The following MIB2 variants were observed in gnomAD, a reference collection of about 807,000 sequenced individuals.
MIB2 encodes MIB E3 ubiquitin protein ligase 2.
MIB2 carries 78 observed loss-of-function variants against 96.6 expected under a neutral mutation model. The ratio of observed to expected loss-of-function variants is 0.81; its 90% CI spans 0.67 to 0.97. The LOEUF is 0.97. Ranked by LOEUF, MIB2 falls within the 50% of genes least tolerant of loss-of-function variation. The pLI is 0.00. For missense variants in MIB2, 1,543 were observed against 1,424.0 expected (o/e 1.08, Z -1.35); for synonymous variants, 820 against 629.5 (o/e 1.30, Z -4.53).
intron 3 of MIB2, 34 bp from the exon 4 acceptor site, chr1:1,623,740 C>A: frequency 3.3e-6 from 5 of 1,527,374 alleles, no homozygotes; most frequent in Non-Finnish European, 4.4e-6. Flanking sequence ...GACCCGGGGG[C>A]GGGAACGCCC....
chr1:1,625,957 G>T lies in MIB2; in HGVS notation c.972+304G>T. ...TCGTGGGCGGGAGGGAGGCGGCTGG[G>T]CTAAGATGCTCCTGGTTAGTGCTGT... On this transcript the variant is annotated intron_variant, in intron 8 of 19. Transcript: ENST00000355826. This position sits in a 1 kb window ranked among gnomAD's most constrained non-coding sequence, Gnocchi z 5.0. The T allele has an allele frequency of 2.1e-6, 1 of 476,188 alleles. No homozygotes were observed. The allele number at this position is 476,188 out of a possible 1,614,324, so 29.5% of individuals were successfully genotyped here.
At chr1:1,624,510 C>T (rs924167678) in intron 4 of MIB2, among the ~76,000 whole-genome samples, 5 of 152,210 alleles carry the variant, frequency 3.3e-5, no homozygotes, top group Non-Finnish European at 5.9e-5. Flanking sequence ...GAGGTCTTGC[C>T]GAGGGTGGGC....
chr1:1,629,235 C>T lies in MIB2; in HGVS notation c.2305C>T (p.Arg769Cys), dbSNP rs548057540. ...CGCCGACGTGAGCTACACCAACCAC[C>T]GCGGTCGGAGCCCGCTGGACCTGGC... ...EGADVSYTNH[R>C]GRSPLDLAAE... The change falls in exon 17 of 20, where the codon CGC (arginine) becomes TGC (cysteine). Residue 769 changes from arginine to cysteine, a missense_variant. By Grantham distance (180) the Arg-to-Cys change is radical (BLOSUM62 -3). Transcript: ENST00000355826. 13 of 1,544,590 alleles carry T rather than the reference C, an allele frequency of 8.4e-6. No individual in the cohort carries two copies. The South Asian group carries it at 1.5e-4, about 18-fold the overall frequency.
chr1:1,625,358 G>A lies in MIB2; in HGVS notation c.794G>A (p.Cys265Tyr), dbSNP rs1169959430. Residue 265 changes from cysteine to tyrosine, a missense_variant, in exon 7 of 20, where the codon TGT becomes TAT. Cys to Tyr is a radical substitution (Grantham distance 194, BLOSUM62 -2). Coordinates refer to ENST00000355826, the MANE Select transcript of MIB2 (RefSeq NM_001170687.4). This position sits in a 1 kb window ranked among gnomAD's most constrained non-coding sequence, Gnocchi z 5.0. Reference protein sequence around the residue: ...QPFQHGDKVKCLLDTDVLREM... With the variant: ...QPFQHGDKVKYLLDTDVLREM... ...TTCCAGCACGGGGACAAGGTCAAGT[G>A]TCTGCTGGACACTGATGTCCTGCGG... 6 of 1,585,868 alleles carry A rather than the reference G, an allele frequency of 3.8e-6. No individual in the cohort carries two copies. Among genetic ancestry groups the A allele is most frequent in the Non-Finnish European group, 4.3e-6 (5 of 1,166,932 alleles).
chr1:1,623,329 G>C (rs1569728346), intron 2 of MIB2, 102 bp from the exon 3 acceptor site: 1 of 1,499,246 alleles, frequency 6.7e-7, no homozygotes, highest in African/African-American at 1.4e-5. Flanking sequence ...CTGCTCTCCC[G>C]CGGAGCCCAC....
chr1:1,628,501 G>T lies in MIB2; in HGVS notation c.1981G>T (p.Val661Leu). Residue 661 changes from valine to leucine, a missense_variant, in exon 16 of 20, where the codon GTG becomes TTG. By Grantham distance (32) the Val-to-Leu change is conservative. Transcript: ENST00000355826. ...QILIREGRCD[V>L]NVRNRKLQSP... ...CACCCCTCCCCAGGGCCGCTGTGAC[G>T]TGAACGTGCGCAACCGGAAGCTGCA... is the stretch of plus-strand genomic sequence containing the variant. The T allele has an allele frequency of 8.8e-6, 14 of 1,599,810 alleles. No homozygotes were observed. The highest frequency in any genetic ancestry group is 1.1e-5 in the Non-Finnish European group (13 of 1,177,714).
intron 1 of MIB2, 122 bp downstream of exon 1, chr1:1,615,755 G>A: frequency 2.1e-6 from 3 of 1,451,952 alleles, no homozygotes; most frequent in Non-Finnish European, 2.7e-6. Context: ...CCCCGGGCTG[G>A]ACTCGGCGTA....
At position 1,616,573 on chromosome 1, in the gene MIB2, G is replaced by T. The variant is rs950343177; in HGVS notation, c.-64G>T. 4 of 1,603,786 alleles carry T rather than the reference G, an allele frequency of 2.5e-6. No homozygotes were observed. In the East Asian group the frequency reaches 6.8e-5, roughly 27 times the overall value. On this transcript the variant is annotated 5_prime_UTR_variant, in exon 2 of 20. Coordinates refer to ENST00000355826, the MANE Select transcript of MIB2 (RefSeq NM_001170687.4). ...TCCAGGCATCAGGGCTGCAGCCCAG[G>T]AGCCTCAAGGCGGCCCGGCGGGCGA...
Position 1,629,284 on chromosome 1 carries a change from C to A in MIB2, c.2354C>A (p.Ala785Asp). 6.5e-7 allele frequency: 1 copy of A among 1,527,656 alleles called. No homozygotes were observed. Among genetic ancestry groups the A allele is most frequent in the Non-Finnish European group, 8.7e-7 (1 of 1,151,516 alleles). The allele number at this position is 1,527,656 out of a possible 1,614,324, so 94.6% of individuals were successfully genotyped here. Residue 785 changes from alanine to aspartate, a missense_variant, in exon 17 of 20, where the codon GCC becomes GAC. Transcript: ENST00000355826. ...GCCGCCGAGGGTCGCGTGCTCAAGG[C>A]CCTTCAGGGCTGCGCCCAGCGCTTC... ...DLAAEGRVLK[A>D]LQGCAQRFRE...
In MIB2 at chr1:1,627,647, CCCTCTCCCACTT is replaced by C. The variant is rs763644309; in HGVS notation, c.1524-18_1524-7del. On this transcript the variant is annotated splice_polypyrimidine_tract_variant and intron_variant, in intron 12 of 19. Transcript: ENST00000355826. ...GTCCAGCCACCGGGCCCGGCGCCCTCCCTCTCCCACTTCCTCTCCTGTCAGGAACCAGCCCGA... is the reference window on the plus strand; with the variant it reads ...GTCCAGCCACCGGGCCCGGCGCCCTCCCTCTCCTGTCAGGAACCAGCCCGA... The C allele has an allele frequency of 1.9e-6, 3 of 1,582,804 alleles. No homozygotes were observed. The highest frequency in any genetic ancestry group is 2.3e-5 in the South Asian group (2 of 88,758).
chr1:1,619,737 G>A (rs561032704), intron 2 of MIB2, among the ~76,000 whole-genome samples: 1 of 152,312 alleles, frequency 6.6e-6, no homozygotes, highest in African/African-American at 2.4e-5. Context: ...CCTTGTTGGG[G>A]CAGCCCTCAG....
At chr1:1,616,249 C>A (rs1643653851) in intron 1 of MIB2, 1 of 441,226 alleles carries the variant, frequency 2.3e-6, no homozygotes, top group Non-Finnish European at 3.1e-6. Flanking sequence ...TGCGCCGGCG[C>A]CCGTGCGCGT....
rs775834243 is a variant in MIB2, at chr1:1,616,539, C to G, written c.-98C>G. The G allele has an allele frequency of 5.6e-6, 9 of 1,603,096 alleles. No homozygotes were observed. The highest frequency in any genetic ancestry group is 1.1e-5 in the South Asian group (1 of 89,590). On this transcript the variant is annotated 5_prime_UTR_variant, in exon 2 of 20. Transcript: ENST00000355826. ...AAGCCCAGCGAGGCTAGAGGCCAGTCCCAAAGTTTCCAGGCATCAGGGCTG... is the reference window on the plus strand; with the variant it reads ...AAGCCCAGCGAGGCTAGAGGCCAGTGCCAAAGTTTCCAGGCATCAGGGCTG...
Position 1,622,925 on chromosome 1 carries a change from G to T in MIB2, c.-22-506G>T, listed in dbSNP as rs144593704. 3.2e-3 allele frequency among the ~76,000 whole-genome samples: 490 copies of T among 152,290 alleles called. 4 individuals carry two copies. Among genetic ancestry groups the T allele is most frequent in the African/African-American group, 0.011 (467 of 41,560 alleles). ...GTGTTTGCCGTTTTTCTGTTGGGTT[G>T]TCTGACGTTTTCGTGTGGATCATAG... On this transcript the variant is annotated intron_variant, in intron 2 of 19. Coordinates refer to ENST00000355826, the MANE Select transcript of MIB2 (RefSeq NM_001170687.4).
chr1:1,623,815 C>T lies in MIB2; in HGVS notation c.289C>T (p.His97Tyr). The T allele has an allele frequency of 6.2e-7, 1 of 1,609,596 alleles. No homozygotes were observed. Among genetic ancestry groups the T allele is most frequent in the Non-Finnish European group, 8.5e-7 (1 of 1,178,606 alleles). ...CATCATCTGTGACTGCTGCAAGAAGCACGGGCTGCGGGGGATGCGCTGGAA... is the reference window on the plus strand; with the variant it reads ...CATCATCTGTGACTGCTGCAAGAAGTACGGGCTGCGGGGGATGCGCTGGAA... Reference protein sequence around the residue: ...PNIICDCCKKHGLRGMRWKCR... With the variant: ...PNIICDCCKKYGLRGMRWKCR... The change falls in exon 4 of 20, where the codon CAC becomes TAC. Residue 97 changes from histidine to tyrosine, a missense_variant. His to Tyr is a moderately conservative substitution (Grantham distance 83). Transcript: ENST00000355826.
At chr1:1,624,688 C>T in intron 4 of MIB2, 107 bp from the exon 5 acceptor site, 7 of 1,060,278 alleles carry the variant, frequency 6.6e-6, no homozygotes, top group Non-Finnish European at 9.9e-6. Context: ...GCCCAGCAGG[C>T]TGGGTGGACA....
chr1:1,616,839 G>A (rs1643764347), intron 2 of MIB2: 2 of 479,440 alleles, frequency 4.2e-6, no homozygotes, highest in African/African-American at 2.1e-5. Context: ...TTGGGGCAGA[G>A]CGGCCGCAGC....
In MIB2 at chr1:1,628,601, T is replaced by G; in HGVS notation, c.2081T>G (p.Val694Gly). Residue 694 changes from valine (V) to glycine (G), a missense_variant, in exon 16 of 20, where the codon GTC becomes GGC. Coordinates refer to ENST00000355826, the MANE Select transcript of MIB2 (RefSeq NM_001170687.4). ...CTACTGGTGGACGCTGGGTGCAGTG[T>G]CAACGCCGAGGACGAGGAGGGGGAC... ...VPLLVDAGCSVNAEDEEGDTA... is the reference protein window; with the variant it reads ...VPLLVDAGCSGNAEDEEGDTA... The G allele has an allele frequency of 6.2e-7, 1 of 1,600,340 alleles. No homozygotes were observed. Among genetic ancestry groups the G allele is most frequent in the Non-Finnish European group, 8.5e-7 (1 of 1,177,514 alleles).
rs1361616905 is a variant in MIB2, at chr1:1,628,507, G to A, written c.1987G>A (p.Val663Met). The change falls in exon 16 of 20, where the codon GTG becomes ATG. Residue 663 changes from valine to methionine, a missense_variant. Coordinates refer to ENST00000355826, the MANE Select transcript of MIB2 (RefSeq NM_001170687.4). ...LIREGRCDVN[V>M]RNRKLQSPLH... ...TCCCCAGGGCCGCTGTGACGTGAAC[G>A]TGCGCAACCGGAAGCTGCAGTCCCC... The A allele has an allele frequency of 6.2e-6, 10 of 1,600,228 alleles. No homozygotes were observed. Among genetic ancestry groups the A allele is most frequent in the East Asian group, 4.5e-5 (2 of 44,676 alleles).
Sources: gnomAD v4.1 joint callset for allele counts (sites outside exome capture counted in the v4.1 genomes callset) on GRCh38, gnomAD v4.1.1 for gene constraint, Gnocchi (gnomAD v3.1) non-coding constraint, MANE v1.5 for transcripts, NCBI Gene and HGNC (gene_info 2026-07-23, HGNC 2026-07-21) for gene names.